WWC1: variants seen among roughly 807,000 people sequenced by gnomAD.
WWC1 encodes the protein WW and C2 domain containing 1.
Under a neutral mutation model 138.4 loss-of-function variants are expected in WWC1, and 55 were observed. That is an observed-to-expected ratio of 0.40 (90% CI 0.32 to 0.50). WWC1 has a LOEUF of 0.50. Among genes scored for constraint, WWC1 ranks in the 20% least tolerant of loss-of-function variants. The pLI, the probability that WWC1 is intolerant of heterozygous loss-of-function variation, is 0.72. For missense variants in WWC1, 1,226 were observed against 1,420.4 expected (o/e 0.86, Z 2.20); for synonymous variants, 524 against 564.9 (o/e 0.93, Z 1.03).
chr5:168,404,560 G>T (rs1304945859), intron 5 of WWC1, among the ~76,000 whole-genome samples: 1 of 152,180 alleles, frequency 6.6e-6, no homozygotes, highest in Non-Finnish European at 1.5e-5. Flanking sequence ...CGATGAGGCC[G>T]GGATGAAAAC....
At chr5:168,460,154 C>T (rs927472598) in intron 19 of WWC1, among the ~76,000 whole-genome samples, 5 of 152,164 alleles carry the variant, frequency 3.3e-5, no homozygotes, top group African/African-American at 7.2e-5. Flanking sequence ...TCCATCTTGA[C>T]AGTGGCTCCA....
chr5:168,467,750 C>G (rs1480495942), intron 21 of WWC1, 90 bp from the exon 22 acceptor site: 3 of 1,571,008 alleles, frequency 1.9e-6, no homozygotes, highest in Non-Finnish European at 2.6e-6. Context: ...GCCGTCCCTA[C>G]AGTAGCCCCC....
rs1452282302 is a variant in WWC1, at chr5:168,292,374, C to A, written c.119+103C>A. On this transcript the variant is annotated intron_variant, in intron 1 of 22. Coordinates refer to ENST00000265293, the MANE Select transcript of WWC1 (RefSeq NM_015238.3). The surrounding 1 kb of genome is among the most constrained non-coding windows in gnomAD (Gnocchi z 4.4). ...ACTGGGAGGGGGCAGGGGAGCTCTG[C>A]GTGCCTCTTGAGCTCTCTTCAGTTC... The A allele has an allele frequency of 4.4e-6, 6 of 1,370,400 alleles. No individual in the cohort carries two copies. In the East Asian group the frequency reaches 1.1e-4, roughly 26 times the overall value. 84.9% of individuals were successfully genotyped at this position (1,370,400 alleles called of 1,614,324 possible).
intron 1 of WWC1, among the ~76,000 whole-genome samples, chr5:168,306,599 C>T (rs1770583450): frequency 6.6e-6 from 1 of 151,996 alleles, no homozygotes; most frequent in Non-Finnish European, 1.5e-5. Context: ...GCTTTATTTT[C>T]TATTTATTTG....
In WWC1 at chr5:168,371,521, G is replaced by A; in HGVS notation, c.217G>A (p.Asp73Asn). Residue 73 changes from aspartate to asparagine, a missense_variant, in exon 2 of 23, where the codon GAC (aspartate) becomes AAC (asparagine). Around this residue, in one of 3 missense-constraint regions of WWC1, gnomAD observed 1,016 missense variants for 1,153.9 expected, o/e 0.88. Transcript: ENST00000265293. ...CCCACAGGTTGGAGATTACTTCATA[G>A]ACCACAACACCAGTAAGTTCCCGAC... Reference protein sequence around the residue: ...YDPQVGDYFIDHNTKTTQIED... With the variant: ...YDPQVGDYFINHNTKTTQIED... 1.2e-6 allele frequency: 2 copies of A among 1,613,626 alleles called. No individual in the cohort carries two copies. The highest frequency in any genetic ancestry group is 2.2e-5 in the South Asian group (2 of 91,038).
At chr5:168,315,094 C>A (rs947778160) in intron 1 of WWC1, among the ~76,000 whole-genome samples, 1 of 152,074 alleles carries the variant, frequency 6.6e-6, no homozygotes, top group African/African-American at 2.4e-5. Flanking sequence ...GACTGAAGAA[C>A]GAGTCATTAG....
At chr5:168,324,719 G>A (rs1304043403) in intron 1 of WWC1, among the ~76,000 whole-genome samples, 1 of 151,372 alleles carries the variant, frequency 6.6e-6, no homozygotes, top group African/African-American at 2.4e-5. Flanking sequence ...AAAAGTAAAT[G>A]GACTAAACAC....
chr5:168,426,575 A>G (rs755972241), intron 11 of WWC1, among the ~76,000 whole-genome samples: 1 of 152,256 alleles, frequency 6.6e-6, no homozygotes, highest in South Asian at 2.1e-4. Flanking sequence ...GCCGCTGTTC[A>G]GTCAGCAGAC....
intron 20 of WWC1, among the ~76,000 whole-genome samples, chr5:168,462,850 A>G (rs1756935907): frequency 6.6e-6 from 1 of 152,258 alleles, no homozygotes; most frequent in African/African-American, 2.4e-5. Flanking sequence ...GAGACTGGAC[A>G]GACGAAGCAA....
Position 168,444,259 on chromosome 5 carries a change from G to A in WWC1, c.2434-235G>A, listed in dbSNP as rs568964036. On this transcript the variant is annotated intron_variant, in intron 16 of 22. Coordinates refer to ENST00000265293, the MANE Select transcript of WWC1 (RefSeq NM_015238.3). ...GCTAAACTTGGCTATCTTCCATCACGATGCTGAGTAAGTTCATACATACAG... is the reference window on the plus strand; with the variant it reads ...GCTAAACTTGGCTATCTTCCATCACAATGCTGAGTAAGTTCATACATACAG... Among the ~76,000 whole-genome samples the A allele has an allele frequency of 5.3e-5, 8 of 152,304 alleles. No individual in the cohort carries two copies. In the East Asian group the frequency reaches 7.7e-4, roughly 15 times the overall value.
At chr5:168,424,363 T>C (rs1032600983) in intron 11 of WWC1, among the ~76,000 whole-genome samples, 4 of 152,196 alleles carry the variant, frequency 2.6e-5, no homozygotes, top group Non-Finnish European at 2.9e-5. Flanking sequence ...CTATTCATGA[T>C]TATAGATATG....
chr5:168,381,453 G>T lies in WWC1; in HGVS notation c.230-3758G>T, dbSNP rs73805109. ...ACCTGCCAGCCTCAGTGACCAATCG[G>T]CCCATGTGTTTGTCATCTCTTAAAC... On this transcript the variant is annotated intron_variant, in intron 2 of 22. Coordinates refer to ENST00000265293, the MANE Select transcript of WWC1 (RefSeq NM_015238.3). Among the ~76,000 whole-genome samples, 516 of 152,260 alleles carry T rather than the reference G, an allele frequency of 3.4e-3. 5 individuals are homozygous for T. Among genetic ancestry groups the T allele is most frequent in the African/African-American group, 0.012 (481 of 41,552 alleles).
intron 1 of WWC1, among the ~76,000 whole-genome samples, chr5:168,322,843 A>G (rs548047094): frequency 9.3e-4 from 142 of 152,312 alleles, no homozygotes; most frequent in South Asian, 3.7e-3. Flanking sequence ...TAGCCTAACA[A>G]TGCTTCAAAA....
intron 1 of WWC1, among the ~76,000 whole-genome samples, chr5:168,318,404 T>C (rs1013306907): frequency 5.3e-5 from 8 of 152,184 alleles, no homozygotes; most frequent in Non-Finnish European, 1.5e-5. Context: ...TACATTCATA[T>C]TGTGCAACCA....
At chr5:168,419,339 A>G (rs79137583) in intron 9 of WWC1, among the ~76,000 whole-genome samples, 1,608 of 133,022 alleles carry the variant, frequency 0.012, 36 homozygotes, top group African/African-American at 0.05. Flanking sequence ...GTCTTTCAGC[A>G]GAGCTCATAA....
chr5:168,294,206 C>T (rs1457540714), intron 1 of WWC1, among the ~76,000 whole-genome samples: 3 of 152,224 alleles, frequency 2.0e-5, no homozygotes, highest in East Asian at 1.9e-4. Context: ...TAAGTAGCTT[C>T]TATGAAGAAC....
chr5:168,336,077 T>C (rs568627013), intron 1 of WWC1, among the ~76,000 whole-genome samples: 121 of 152,340 alleles, frequency 7.9e-4, no homozygotes, highest in Non-Finnish European at 1.5e-3. Flanking sequence ...AATCTTCTCA[T>C]TGAACCCTGG....
intron 6 of WWC1, among the ~76,000 whole-genome samples, chr5:168,407,784 G>A (rs1779908809): frequency 6.6e-6 from 1 of 152,128 alleles, no homozygotes; most frequent in South Asian, 2.1e-4. Context: ...CTGAGTATGG[G>A]CTGTATTCAC....
Position 168,464,739 on chromosome 5 carries a change from T to C in WWC1, c.2927T>C (p.Val976Ala). 1 of 1,614,034 alleles carries C rather than the reference T, an allele frequency of 6.2e-7. No individual in the cohort carries two copies. Among genetic ancestry groups the C allele is most frequent in the Non-Finnish European group, 8.5e-7 (1 of 1,180,020 alleles). ...RSVRMKRPSS[V>A]KSLRSERLIR... ...TCCCCACCCCCACAGCCTTCCTCGGTCAAGTCGCTGCGCTCCGAGCGTCTG... is the reference window on the plus strand; with the variant it reads ...TCCCCACCCCCACAGCCTTCCTCGGCCAAGTCGCTGCGCTCCGAGCGTCTG... Residue 976 changes from valine (V) to alanine (A), a missense_variant, in exon 21 of 23, where the codon GTC becomes GCC. Coordinates refer to ENST00000265293, the MANE Select transcript of WWC1 (RefSeq NM_015238.3).
Sources: gnomAD v4.1 joint callset for allele counts (sites outside exome capture counted in the v4.1 genomes callset) on GRCh38, gnomAD v4.1.1 for gene constraint, gnomAD v4.1.1 regional missense constraint, Gnocchi (gnomAD v3.1) non-coding constraint, MANE v1.5 for transcripts, NCBI Gene and HGNC (gene_info 2026-07-23, HGNC 2026-07-21) for gene names.